Variants in KAZN observed in about 807,000 individuals in gnomAD.
KAZN encodes the protein kazrin, periplakin interacting protein.
In KAZN, 40 loss-of-function variants were observed where a neutral mutation model predicts 87.4. That is an observed-to-expected ratio of 0.46 (90% CI 0.36 to 0.60). The LOEUF (loss-of-function observed/expected upper bound fraction) is 0.60. Ranked by LOEUF, KAZN falls within the 20% of genes least tolerant of loss-of-function variation. The pLI, the probability that KAZN is intolerant of heterozygous loss-of-function variation, is 0.00. For missense variants in KAZN, 898 were observed against 1,073.9 expected, an observed-to-expected ratio of 0.84 and a Z score of 2.29; for synonymous variants, 466 against 458.3, an observed-to-expected ratio of 1.02 and a Z score of -0.22.
intron 2 of KAZN, among the ~76,000 whole-genome samples, chr1:14,453,474 A>G (rs1056644898): frequency 6.6e-6 from 1 of 152,214 alleles, no homozygotes; most frequent in Non-Finnish European, 1.5e-5. Flanking sequence ...GTCTAAAAAA[A>G]GTACTACTCT....
At chr1:14,689,214 C>CAAAACAA (rs1436390749) in intron 1 of KAZN, among the ~76,000 whole-genome samples, 1 of 151,618 alleles carries the variant, frequency 6.6e-6, no homozygotes, top group African/African-American at 2.4e-5. Context: ...CAAAACAAAA[C>CAAAACAA]AAAACAAAAC....
At chr1:14,962,964 A>G (rs1398824) in intron 2 of KAZN, among the ~76,000 whole-genome samples, 12,393 of 152,012 alleles carry the variant, frequency 0.082, 1,663 homozygotes, top group African/African-American at 0.28. Flanking sequence ...TCCATTCCTG[A>G]TCTGAGTGAT....
intron 6 of KAZN, chr1:15,060,888 A>AGCTTCTG (rs1452197727): frequency 1.3e-5 from 2 of 152,544 alleles, no homozygotes; most frequent in Non-Finnish European, 2.9e-5. Context: ...GAGTAAATTG[A>AGCTTCTG]AGGTGGGTTG....
intron 1 of KAZN, among the ~76,000 whole-genome samples, chr1:14,037,810 C>T (rs944666933): frequency 1.3e-5 from 2 of 152,178 alleles, no homozygotes; most frequent in African/African-American, 4.8e-5. Context: ...ACCCTGCAGA[C>T]TTTGGCTGAG....
intron 8 of KAZN, among the ~76,000 whole-genome samples, chr1:15,082,252 C>T (rs1640039210): frequency 6.6e-6 from 1 of 152,302 alleles, no homozygotes; most frequent in African/African-American, 2.4e-5. Context: ...ACTTGACCTC[C>T]AGGGAAGCCT....
At chr1:15,055,875 C>T (rs755975449) in intron 4 of KAZN, among the ~76,000 whole-genome samples, 2 of 152,220 alleles carry the variant, frequency 1.3e-5, no homozygotes, top group Non-Finnish European at 2.9e-5. Flanking sequence ...TCCGTGCCTT[C>T]GCGCCTCCAG....
intron 1 of KAZN, among the ~76,000 whole-genome samples, chr1:14,142,108 C>CTTTTTT (rs35138469): frequency 4.7e-5 from 6 of 128,970 alleles, no homozygotes; most frequent in African/African-American, 1.5e-4. Context: ...CCCTCCTTCC[C>CTTTTTT]TTTTTTTTTT....
chr1:14,439,963 C>T (rs991245178), intron 2 of KAZN, among the ~76,000 whole-genome samples: 1 of 152,270 alleles, frequency 6.6e-6, no homozygotes, highest in African/African-American at 2.4e-5. Flanking sequence ...CCAACCACGT[C>T]CCACCCCCAT....
intron 2 of KAZN, chr1:14,390,766 G>A (rs1455655235): frequency 6.6e-6 from 1 of 151,866 alleles, no homozygotes; most frequent in Non-Finnish European, 1.5e-5. Context: ...CAGGAAGGAA[G>A]GTAGAAGGGC....
intron 1 of KAZN, among the ~76,000 whole-genome samples, chr1:13,912,713 C>G (rs1383143485): frequency 3.9e-5 from 6 of 152,170 alleles, no homozygotes; most frequent in Admixed American, 3.9e-4. Context: ...AAGCGATTCT[C>G]CCACCTCAGC....
At chr1:14,082,090 A>G (rs1161259837) in intron 1 of KAZN, among the ~76,000 whole-genome samples, 1 of 152,058 alleles carries the variant, frequency 6.6e-6, no homozygotes, top group Non-Finnish European at 1.5e-5. Flanking sequence ...TGTTCCTTCT[A>G]GCATCTCTCT....
intron 1 of KAZN, among the ~76,000 whole-genome samples, chr1:13,941,622 G>T (rs1017350673): frequency 6.6e-6 from 1 of 152,198 alleles, no homozygotes. Flanking sequence ...TCAGCAGTAA[G>T]TAGCACTTTA....
chr1:14,704,374 C>G (rs1043154347), intron 1 of KAZN, among the ~76,000 whole-genome samples: 1 of 152,218 alleles, frequency 6.6e-6, no homozygotes, highest in Admixed American at 6.5e-5. Flanking sequence ...CAAAATGAGC[C>G]AGGCCAATTT....
intron 1 of KAZN, among the ~76,000 whole-genome samples, chr1:13,918,292 G>A (rs1246780308): frequency 6.6e-6 from 1 of 152,200 alleles, no homozygotes; most frequent in Admixed American, 6.5e-5. Flanking sequence ...GGAAGAAGTT[G>A]ATTCTAACCC....
intron 1 of KAZN, among the ~76,000 whole-genome samples, chr1:14,880,709 G>A (rs1350594744): frequency 6.6e-6 from 1 of 152,178 alleles, no homozygotes; most frequent in East Asian, 1.9e-4. Flanking sequence ...CAACTGGACT[G>A]CCTGCTTGTG....
At chr1:13,907,921 T>C (rs1424943039) in intron 1 of KAZN, among the ~76,000 whole-genome samples, 1 of 152,180 alleles carries the variant, frequency 6.6e-6, no homozygotes, top group Non-Finnish European at 1.5e-5. Flanking sequence ...AATGTGCTTG[T>C]CCTAAACAAG....
At chr1:14,463,632 A>G (rs1667965311) in intron 2 of KAZN, among the ~76,000 whole-genome samples, 3 of 152,098 alleles carry the variant, frequency 2.0e-5, no homozygotes, top group Admixed American at 2.0e-4. Flanking sequence ...ATTTTGATAT[A>G]TACTATGACA....
chr1:14,957,964 G>A (rs548744602), intron 1 of KAZN, among the ~76,000 whole-genome samples: 19 of 152,346 alleles, frequency 1.2e-4, no homozygotes, highest in African/African-American at 4.1e-4. Context: ...CCTTACAGGG[G>A]TGGCTGGGCC....
intron 2 of KAZN, among the ~76,000 whole-genome samples, chr1:14,244,002 G>C (rs1263277644): frequency 6.6e-6 from 1 of 152,172 alleles, no homozygotes; most frequent in African/African-American, 2.4e-5. Flanking sequence ...GCAGAGTTGA[G>C]CGTCCCAATT....
Sources: allele counts gnomAD v4.1 joint callset (sites outside exome capture counted in the v4.1 genomes callset), GRCh38; gene constraint gnomAD v4.1.1; transcripts MANE v1.5; gene names NCBI Gene and HGNC (gene_info 2026-07-23, HGNC 2026-07-21).